Variants in NANP observed in about 807,000 individuals in gnomAD.
The protein encoded by NANP is N-acetylneuraminic acid phosphatase.
Under a neutral mutation model 16.9 loss-of-function variants are expected in NANP, and 15 were observed. The ratio of observed to expected loss-of-function variants is 0.89; its 90% confidence interval spans 0.59 to 1.37. The LOEUF is 1.37. NANP is among the 40% of genes most tolerant of loss of function. The pLI is 0.00. For synonymous variants in NANP, 135 were observed against 112.6 expected (o/e 1.20, Z -1.26); for missense variants, 290 against 303.5 (o/e 0.96, Z 0.33).
chr20:25,615,442 T>G lies in NANP; in HGVS notation c.*483A>C, dbSNP rs1420414681. On this transcript the variant is annotated 3_prime_UTR_variant, in exon 2 of 2. Coordinates refer to ENST00000304788, the MANE Select transcript of NANP (RefSeq NM_152667.3). ...AATTTCACTATATAATACCTTGATT[T>G]GCATGTGACTTAGTACTTATTTCAT... 6.5e-6 allele frequency: 1 copy of G among 152,678 alleles called. No homozygotes were observed. The highest frequency in any genetic ancestry group is 1.9e-4 in the East Asian group (1 of 5,204). The allele number at this position is 152,678 out of a possible 1,614,324, so 9.5% of individuals were successfully genotyped here.
At chr20:25,621,026 G>A (rs1445492100) in intron 1 of NANP, among the ~76,000 whole-genome samples, 1 of 152,078 alleles carries the variant, frequency 6.6e-6, no homozygotes, top group African/African-American at 2.4e-5. Flanking sequence ...TCAGCCTCTT[G>A]AACATGGTGC....
At chr20:25,620,228 GCTCT>G (rs1270364938) in intron 1 of NANP, among the ~76,000 whole-genome samples, 2 of 152,276 alleles carry the variant, frequency 1.3e-5, no homozygotes, top group East Asian at 1.9e-4. Context: ...GAAGGAAAAA[GCTCT>G]CTAACTTGGA....
intron 1 of NANP, among the ~76,000 whole-genome samples, chr20:25,623,264 G>A (rs766905584): frequency 6.6e-6 from 1 of 152,190 alleles, no homozygotes; most frequent in African/African-American, 2.4e-5. Flanking sequence ...CTCGCAGCAC[G>A]GGCTTTTGCT....
At chr20:25,619,386 G>C (rs1044295338) in intron 1 of NANP, among the ~76,000 whole-genome samples, 1 of 151,966 alleles carries the variant, frequency 6.6e-6, no homozygotes, top group Non-Finnish European at 1.5e-5. Context: ...CTTCCAAAGT[G>C]CTGGGAATTA....
Position 25,616,345 on chromosome 20 carries a change from T to C in NANP, c.327A>G (p.Thr109=), listed in dbSNP as rs774840018. The change falls in exon 2 of 2, where the codon ACA becomes ACG. Residue 109 remains threonine (T), a synonymous_variant. Transcript: ENST00000304788. Reference sequence around the variant, plus strand: ...GCATGGCTTTGACGTCTTCTGCTAGTGTCATATGCTGTAAACGTGTAGATT... The same window carrying C: ...GCATGGCTTTGACGTCTTCTGCTAGCGTCATATGCTGTAAACGTGTAGATT... ...LWKSTRLQHM[T]LAEDVKAMLT... The C allele has an allele frequency of 5.6e-6, 9 of 1,614,188 alleles. No individual in the cohort carries two copies. The highest frequency in any genetic ancestry group is 7.6e-6 in the Non-Finnish European group (9 of 1,180,018).
At chr20:25,618,267 G>C (rs977780309) in intron 1 of NANP, among the ~76,000 whole-genome samples, 1 of 152,088 alleles carries the variant, frequency 6.6e-6, no homozygotes, top group Non-Finnish European at 1.5e-5. Flanking sequence ...CATTCCACAG[G>C]GTAGCTGGCA....
chr20:25,616,132 T>C lies in NANP; in HGVS notation c.540A>G (p.Gln180=), dbSNP rs374300789. The change falls in exon 2 of 2, where the codon CAA becomes CAG. Residue 180 remains glutamine (Q), a synonymous_variant. Transcript: ENST00000304788. ...CACCGACCATCACACAGTCCCCAGGTTGTACTCCGAGAAGATTGCAGCAGT... is the reference window on the plus strand; with the variant it reads ...CACCGACCATCACACAGTCCCCAGGCTGTACTCCGAGAAGATTGCAGCAGT... The part of the protein sequence containing the change: ...FYYCCNLLGV[Q]PGDCVMVGDT... The C allele has an allele frequency of 2.0e-5, 32 of 1,614,144 alleles. No homozygotes were observed. The highest frequency in any genetic ancestry group is 6.7e-5 in the African/African-American group (5 of 75,012).
Position 25,615,902 on chromosome 20 carries a change from A to C in NANP, c.*23T>G, listed in dbSNP as rs1325717655. ...ACTCAGCAAATTGATTCTAACATTC[A>C]TAATCATGCCCTTTTATGTGCTTTA... On this transcript the variant is annotated 3_prime_UTR_variant, in exon 2 of 2. Transcript: ENST00000304788. 1 of 1,570,784 alleles carries C rather than the reference A, an allele frequency of 6.4e-7. No individual in the cohort carries two copies. Among genetic ancestry groups the C allele is most frequent in the South Asian group, 1.2e-5 (1 of 83,464 alleles).
Position 25,616,258 on chromosome 20 carries a change from C to T in NANP, c.414G>A (p.Gln138=), listed in dbSNP as rs1428774145. Residue 138 remains glutamine (Q), a synonymous_variant, in exon 2 of 2, where the codon CAG becomes CAA. Transcript: ENST00000304788. Reference sequence around the variant, plus strand: ...AGGCACAAGCCTCAATCTTCTCCCTCTGGGTCTGTCTGTCCCCATTCGTTA... The same window carrying T: ...AGGCACAAGCCTCAATCTTCTCCCTTTGGGTCTGTCTGTCCCCATTCGTTA... ...LLLTNGDRQT[Q]REKIEACACQ... The T allele has an allele frequency of 3.7e-6, 6 of 1,614,216 alleles. No homozygotes were observed. The East Asian group carries it at 1.1e-4, about 30-fold the overall frequency.
rs1426522446 is a variant in NANP at position 25,615,541 on chromosome 20, C to T, written c.*384G>A. 1 of 160,260 alleles carries T rather than the reference C, an allele frequency of 6.2e-6. No homozygotes were observed. Among genetic ancestry groups the T allele is most frequent in the Admixed American group, 6.4e-5 (1 of 15,598 alleles). The allele number at this position is 160,260 out of a possible 1,614,324, so 9.9% of individuals were successfully genotyped here. The stretch of plus-strand genomic sequence containing the variant: ...TTTTTTAAAAATATCTATTTTTAAG[C>T]CAGAAGATAAACCTTACATTTGTGC... On this transcript the variant is annotated 3_prime_UTR_variant, in exon 2 of 2. Coordinates refer to ENST00000304788, the MANE Select transcript of NANP (RefSeq NM_152667.3).
intron 1 of NANP, among the ~76,000 whole-genome samples, chr20:25,619,632 T>C (rs1333151533): frequency 6.6e-6 from 1 of 152,176 alleles, no homozygotes; most frequent in East Asian, 1.9e-4. Context: ...TATGAACAAA[T>C]AAAGCTTTCT....
chr20:25,619,468 T>C, intron 1 of NANP, among the ~76,000 whole-genome samples: 1 of 151,380 alleles, frequency 6.6e-6, no homozygotes, highest in East Asian at 1.9e-4. Context: ...AGAAAATGTA[T>C]CAGAAGACTT....
In NANP at chr20:25,623,355, G is replaced by A. The variant is rs993372795; in HGVS notation, c.90+504C>T. Among the ~76,000 whole-genome samples the A allele has an allele frequency of 4.6e-5, 7 of 152,234 alleles. No homozygotes were observed. The East Asian group carries it at 9.6e-4, about 21-fold the overall frequency. On this transcript the variant is annotated intron_variant, in intron 1 of 1. Transcript: ENST00000304788. ...AGTTCTGCGGCGACAATTCTCTAAA[G>A]CAGGGCTTAAGTCCAGGCTCGGTAC...
chr20:25,623,974 A>G lies in NANP; in HGVS notation c.-26T>C. 1 of 1,607,852 alleles carries G rather than the reference A, an allele frequency of 6.2e-7. No homozygotes were observed. Among genetic ancestry groups the G allele is most frequent in the Non-Finnish European group, 8.5e-7 (1 of 1,177,714 alleles). On this transcript the variant is annotated 5_prime_UTR_variant, in exon 1 of 2. Transcript: ENST00000304788. The stretch of plus-strand genomic sequence containing the variant: ...AGCGCCGGCCGCTGGCGCGAACCGT[A>G]GCCTTGCCACCGCCGCCTGCGCATG...
At chr20:25,621,500 T>C (rs1041853148) in intron 1 of NANP, among the ~76,000 whole-genome samples, 5 of 152,228 alleles carry the variant, frequency 3.3e-5, no homozygotes, top group African/African-American at 1.2e-4. Flanking sequence ...TATGACCTCT[T>C]CTCCCCAAGC....
Position 25,616,132 on chromosome 20 carries a change from T to G in NANP, c.540A>C (p.Gln180His). The G allele has an allele frequency of 6.2e-7, 1 of 1,614,144 alleles. No homozygotes were observed. Among genetic ancestry groups the G allele is most frequent in the Non-Finnish European group, 8.5e-7 (1 of 1,180,030 alleles). ...FYYCCNLLGV[Q>H]PGDCVMVGDT... ...CACCGACCATCACACAGTCCCCAGG[T>G]TGTACTCCGAGAAGATTGCAGCAGT... The change falls in exon 2 of 2, where the codon CAA becomes CAC. Residue 180 changes from glutamine to histidine, a missense_variant. Coordinates refer to ENST00000304788, the MANE Select transcript of NANP (RefSeq NM_152667.3).
rs1339332971 is a variant in NANP, at chr20:25,614,134, A to G, written c.*1791T>C. Reference sequence around the variant, plus strand: ...TCACATTTTTAAAAATCTAGAGCGAAAAGTAAACACGAAAGGGCATTTGCA... The same window carrying G: ...TCACATTTTTAAAAATCTAGAGCGAGAAGTAAACACGAAAGGGCATTTGCA... On this transcript the variant is annotated 3_prime_UTR_variant, in exon 2 of 2. Transcript: ENST00000304788. 1 of 307,092 alleles carries G rather than the reference A, an allele frequency of 3.3e-6. No homozygotes were observed. 19.0% of individuals were successfully genotyped at this position (307,092 alleles called of 1,614,324 possible).
Position 25,615,073 on chromosome 20 carries a change from T to C in NANP, c.*852A>G, listed in dbSNP as rs1200332966. The stretch of plus-strand genomic sequence containing the variant: ...GGATCCACAGAAGAAAAATGACTTT[T>C]AGTGCCACGTGCCTTGCAATTATCT... On this transcript the variant is annotated 3_prime_UTR_variant, in exon 2 of 2. Transcript: ENST00000304788. 1.3e-5 allele frequency: 2 copies of C among 152,292 alleles called. No individual in the cohort carries two copies. The highest frequency in any genetic ancestry group is 2.9e-5 in the Non-Finnish European group (2 of 68,046). 9.4% of individuals were successfully genotyped at this position (152,292 alleles called of 1,614,324 possible).
chr20:25,623,241 G>A, intron 1 of NANP, among the ~76,000 whole-genome samples: 1 of 152,196 alleles, frequency 6.6e-6, no homozygotes, highest in East Asian at 1.9e-4. Flanking sequence ...GAGCGCCTCA[G>A]GAAGGGCATG....
Sources: gnomAD v4.1 joint callset for allele counts (sites outside exome capture counted in the v4.1 genomes callset) on GRCh38, gnomAD v4.1.1 for gene constraint, MANE v1.5 for transcripts, NCBI Gene and HGNC (gene_info 2026-07-23, HGNC 2026-07-21) for gene names.